The following GLT1D1 variants were observed in gnomAD, a reference collection of about 807,000 sequenced individuals.
GLT1D1 encodes the protein glycosyltransferase 1 domain containing 1, also known as glycosyltransferase 1 domain-containing protein 1.
GLT1D1 carries 21 observed loss-of-function variants against 28.7 expected under a neutral mutation model. The observed-to-expected ratio is 0.73, with a 90% confidence interval of 0.52 to 1.05. The LOEUF (loss-of-function observed/expected upper bound fraction) is 1.05. Ranked by LOEUF, GLT1D1 falls within the 50% of genes least tolerant of loss-of-function variation. The pLI is 0.00. For synonymous variants in GLT1D1, 147 were observed against 124.8 expected, an observed-to-expected ratio of 1.18 and a Z score of -1.19; for missense variants, 343 against 330.6, an observed-to-expected ratio of 1.04 and a Z score of -0.29.
chr12:128,944,794 T>TTA (rs991139465), intron 4 of GLT1D1: 16 of 356,250 alleles, frequency 4.5e-5, no homozygotes, highest in East Asian at 1.3e-4. Context: ...ACACGTCAAT[T>TTA]TATATATATA....
chr12:128,973,456 G>T (rs12300825), intron 7 of GLT1D1, among the ~76,000 whole-genome samples: 1 of 151,172 alleles, frequency 6.6e-6, no homozygotes, highest in Admixed American at 6.6e-5. Context: ...GCCTCCCAGA[G>T]TGTTGGGATG....
At chr12:128,964,419 A>T (rs567681028) in intron 7 of GLT1D1, among the ~76,000 whole-genome samples, 1 of 152,232 alleles carries the variant, frequency 6.6e-6, no homozygotes, top group African/African-American at 2.4e-5. Context: ...CATCCTCATG[A>T]CCCAGTCACC....
intron 4 of GLT1D1, among the ~76,000 whole-genome samples, chr12:128,908,011 G>A (rs1593114855): frequency 6.6e-6 from 1 of 152,108 alleles, no homozygotes; most frequent in South Asian, 2.1e-4. Flanking sequence ...TTCTTGAGTC[G>A]CCCCAGTAGA....
At chr12:128,973,214 G>T (rs12299394) in intron 7 of GLT1D1, among the ~76,000 whole-genome samples, 24,710 of 85,016 alleles carry the variant, frequency 0.29, 3,139 homozygotes, top group Middle Eastern at 0.43. Context: ...TTTGAGACTC[G>T]CTCTGTTGCC....
At chr12:128,978,813 G>A (rs147828246) in intron 7 of GLT1D1, among the ~76,000 whole-genome samples, 152 of 152,272 alleles carry the variant, frequency 1.0e-3, no homozygotes, top group African/African-American at 3.5e-3. Flanking sequence ...ACAAGGGGTG[G>A]ATTATTCATG....
intron 6 of GLT1D1, among the ~76,000 whole-genome samples, chr12:128,952,438 G>C (rs112875734): frequency 4.1e-5 from 5 of 123,394 alleles, no homozygotes; most frequent in Admixed American, 8.1e-5. Context: ...TGGGGGTGGG[G>C]GGGGGTGGGG....
rs1565934448 is a variant in GLT1D1 at position 128,984,860 on chromosome 12, C to T, written c.*1770C>T. On this transcript the variant is annotated 3_prime_UTR_variant, in exon 8 of 8. Coordinates refer to ENST00000281703, the MANE Select transcript of GLT1D1 (RefSeq NM_144669.3). ...AGATGCCTGACCTCCACCGTACCTCCACATCACTATTCATGTCCTTCTAGG... is the reference window on the plus strand; with the variant it reads ...AGATGCCTGACCTCCACCGTACCTCTACATCACTATTCATGTCCTTCTAGG... 6.6e-6 allele frequency: 1 copy of T among 152,270 alleles called. No homozygotes were observed. Among genetic ancestry groups the T allele is most frequent in the Non-Finnish European group, 1.5e-5 (1 of 68,054 alleles). The allele number at this position is 152,270 out of a possible 1,614,324, so 9.4% of individuals were successfully genotyped here. A position where few individuals can be genotyped will look rare whatever the true frequency, so the allele number is the denominator to read the frequency against.
intron 4 of GLT1D1, among the ~76,000 whole-genome samples, chr12:128,942,739 G>GTTTTTTTTTTTTTTTTT (rs199567989): frequency 2.9e-5 from 3 of 102,482 alleles, no homozygotes; most frequent in Non-Finnish European, 1.8e-5. Context: ...TTCTTTGTTT[G>GTTTTTTTTTTTTTTTTT]TTTGTTTTTG....
intron 2 of GLT1D1, among the ~76,000 whole-genome samples, chr12:128,878,084 C>T (rs1416671124): frequency 6.6e-6 from 1 of 152,174 alleles, no homozygotes; most frequent in Non-Finnish European, 1.5e-5. Flanking sequence ...GAAGTCAATA[C>T]AACATGAATC....
At chr12:128,960,487 G>A (rs557563493) in intron 7 of GLT1D1, among the ~76,000 whole-genome samples, 129 of 152,346 alleles carry the variant, frequency 8.5e-4, no homozygotes, top group Admixed American at 4.1e-3. Context: ...GCCGGGCACA[G>A]TGGCTCGTGC....
intron 4 of GLT1D1, among the ~76,000 whole-genome samples, chr12:128,901,179 C>T (rs369313481): frequency 3.9e-5 from 6 of 152,292 alleles, no homozygotes; most frequent in South Asian, 2.1e-4. Flanking sequence ...TGCTAATATT[C>T]GCTGATTAGT....
At chr12:128,882,372 G>A (rs1957079685) in intron 2 of GLT1D1, among the ~76,000 whole-genome samples, 1 of 151,374 alleles carries the variant, frequency 6.6e-6, no homozygotes. Flanking sequence ...CACCTCCCGG[G>A]TTCAAGCAGT....
intron 1 of GLT1D1, among the ~76,000 whole-genome samples, chr12:128,871,990 C>T (rs1012132798): frequency 2.6e-5 from 4 of 151,996 alleles, no homozygotes; most frequent in East Asian, 1.9e-4. Flanking sequence ...CTCGCTCTGT[C>T]GCCCAGGCTG....
At chr12:128,882,872 G>A (rs1293319317) in intron 2 of GLT1D1, among the ~76,000 whole-genome samples, 1 of 151,676 alleles carries the variant, frequency 6.6e-6, no homozygotes, top group Admixed American at 6.6e-5. Flanking sequence ...CCAAGAGTGT[G>A]TTAATCAAGC....
chr12:128,865,821 C>T (rs1027897608), intron 1 of GLT1D1, among the ~76,000 whole-genome samples: 7 of 151,650 alleles, frequency 4.6e-5, no homozygotes, highest in South Asian at 2.1e-4. Context: ...GACTCTGCCA[C>T]GAAAACAAAA....
At chr12:128,943,323 T>A (rs2135485075) in intron 4 of GLT1D1, among the ~76,000 whole-genome samples, 1 of 152,340 alleles carries the variant, frequency 6.6e-6, no homozygotes, top group South Asian at 2.1e-4. Context: ...CTTACTTTAT[T>A]TACATAGTGC....
intron 7 of GLT1D1, among the ~76,000 whole-genome samples, chr12:128,971,123 G>C (rs61946473): frequency 2.0e-5 from 3 of 151,978 alleles, no homozygotes; most frequent in African/African-American, 7.2e-5. Flanking sequence ...GGCACCTGTC[G>C]GATTTTGTCC....
chr12:128,972,816 C>T (rs1879316446), intron 7 of GLT1D1, among the ~76,000 whole-genome samples: 2 of 152,190 alleles, frequency 1.3e-5, no homozygotes, highest in African/African-American at 2.4e-5. Flanking sequence ...AGATTGTATA[C>T]ATGTATGGTG....
chr12:128,983,354 G>GT lies in GLT1D1; in HGVS notation c.*264_*265insT. On this transcript the variant is annotated 3_prime_UTR_variant, in exon 8 of 8. Transcript: ENST00000281703. The surrounding 1 kb of genome is among the most constrained non-coding windows in gnomAD (Gnocchi z 4.7). ...TGGGTTGACTGGGACAGGGAAAGGG[G>GT]AACTGGTTTTCAGGGAATTTGGGAG... The GT allele has an allele frequency of 2.4e-6, 1 of 412,378 alleles. No homozygotes were observed. The highest frequency in any genetic ancestry group is 3.8e-5 in the East Asian group (1 of 26,154). The allele number at this position is 412,378 out of a possible 1,614,324, so 25.5% of individuals were successfully genotyped here. A position where few individuals can be genotyped will look rare whatever the true frequency, so the allele number is the denominator to read the frequency against.
Sources: gnomAD v4.1 joint callset for allele counts (sites outside exome capture counted in the v4.1 genomes callset) on GRCh38, gnomAD v4.1.1 for gene constraint, Gnocchi (gnomAD v3.1) non-coding constraint, MANE v1.5 for transcripts, NCBI Gene and HGNC (gene_info 2026-07-23, HGNC 2026-07-21) for gene names.